Variants in NOS2 observed in about 807,000 individuals in gnomAD.
The protein encoded by NOS2 is nitric oxide synthase, inducible.
A neutral mutation model predicts 136.0 loss-of-function variants in NOS2; 96 were observed. The observed-to-expected ratio is 0.71, with a 90% CI of 0.60 to 0.84. The LOEUF (loss-of-function observed/expected upper bound fraction) is 0.84, where lower values mean the gene tolerates loss of function less well. Among genes scored for constraint, NOS2 ranks in the 40% least tolerant of loss-of-function variants. The pLI is 0.00. For missense variants in NOS2, 1,237 were observed against 1,496.9 expected (o/e 0.83, Z 2.87); for synonymous variants, 539 against 587.5 (o/e 0.92, Z 1.20).
intron 12 of NOS2, 49 bp from the exon 13 acceptor site, chr17:27,773,292 C>T (rs1908557565): frequency 7.1e-7 from 1 of 1,402,272 alleles, no homozygotes; most frequent in East Asian, 2.3e-5. Context: ...CCTGGCTTGG[C>T]TCAGCTCGCG....
Position 27,780,789 on chromosome 17 carries a change from C to G in NOS2, c.982G>C (p.Glu328Gln). The change falls in exon 9 of 27, where the codon GAG becomes CAG. Residue 328 changes from glutamate to glutamine, a missense_variant. By Grantham distance (29) the Glu-to-Gln change is conservative. Transcript: ENST00000313735. The part of the protein sequence containing the change: ...LFEIPPDLVL[E>Q]VAMEHPKYEW... ...TACTTGGGATGTTCCATGGCCACCT[C>G]AAGCACAAGGTCAGGTGGGATTTCG... 6.2e-7 allele frequency: 1 copy of G among 1,614,236 alleles called. No individual in the cohort carries two copies. The highest frequency in any genetic ancestry group is 8.5e-7 in the Non-Finnish European group (1 of 1,180,044).
chr17:27,786,417 A>T (rs1909027271), intron 5 of NOS2, among the ~76,000 whole-genome samples: 1 of 152,090 alleles, frequency 6.6e-6, no homozygotes, highest in Admixed American at 6.5e-5. Context: ...CAAGAGCAAA[A>T]CTCCATCTCA....
In NOS2 at chr17:27,760,069, C is replaced by T; in HGVS notation, c.3120G>A (p.Ala1040=). The change falls in exon 25 of 27, where the codon GCG becomes GCA. Residue 1040 remains alanine (A), a synonymous_variant. Coordinates refer to ENST00000313735, the MANE Select transcript of NOS2 (RefSeq NM_000625.4). ...LEMAQKGVLH[A]VHTAYSRLPG... is the part of the protein sequence containing the mutation. ...GCAGGCGGGAATAGGCTGTGTGCAC[C>T]GCATGCAGCACCCCCTTCTGGGCCA... 2 of 1,594,802 alleles carry T rather than the reference C, an allele frequency of 1.3e-6. No individual in the cohort carries two copies. Among genetic ancestry groups the T allele is most frequent in the Non-Finnish European group, 8.5e-7 (1 of 1,171,660 alleles).
intron 25 of NOS2, 99 bp from the exon 26 acceptor site, chr17:27,759,174 A>T (rs1170162120): frequency 2.5e-6 from 2 of 797,482 alleles, no homozygotes; most frequent in Admixed American, 3.3e-5. Flanking sequence ...AGGGGCACTA[A>T]GGGGTGAGGA....
At chr17:27,787,460 T>C (rs1460708349) in intron 5 of NOS2, among the ~76,000 whole-genome samples, 1 of 152,234 alleles carries the variant, frequency 6.6e-6, no homozygotes, top group Non-Finnish European at 1.5e-5. Flanking sequence ...CACTTTTAAC[T>C]GGTATTGCTA....
At chr17:27,791,272 A>G (rs1909172274) in intron 2 of NOS2, among the ~76,000 whole-genome samples, 1 of 152,236 alleles carries the variant, frequency 6.6e-6, no homozygotes, top group South Asian at 2.1e-4. Flanking sequence ...TGCTTTGCTT[A>G]GCCAAACTTT....
intron 2 of NOS2, among the ~76,000 whole-genome samples, chr17:27,796,768 G>A (rs753072715): frequency 3.9e-5 from 6 of 152,280 alleles, no homozygotes; most frequent in Admixed American, 3.3e-4. Flanking sequence ...AGCTGGCAGC[G>A]GCTGCAATGA....
At chr17:27,766,357 G>A (rs1390654125) in intron 19 of NOS2, among the ~76,000 whole-genome samples, 153 bp downstream of exon 19, 1 of 152,174 alleles carries the variant, frequency 6.6e-6, no homozygotes, top group Non-Finnish European at 1.5e-5. Context: ...GTGGCCGCAG[G>A]TTACCAGGTG....
chr17:27,794,712 G>GCA (rs1471450143), intron 2 of NOS2, among the ~76,000 whole-genome samples: 15 of 123,894 alleles, frequency 1.2e-4, no homozygotes, highest in African/African-American at 4.2e-4. Flanking sequence ...ACACACACAC[G>GCA]CGCACACACA....
chr17:27,781,066 T>A lies in NOS2; in HGVS notation c.834A>T (p.Arg278Ser), dbSNP rs1392676226. ...AGYQMPDGSIRGDPANVEFTQ... is the reference protein window; with the variant it reads ...AGYQMPDGSISGDPANVEFTQ... ...TGAATTCCACGTTGGCAGGGTCCCC[T>A]CTGATGCTGCCATCTGGCATCTGGT... The change falls in exon 8 of 27, where the codon AGA (arginine) becomes AGT (serine). Residue 278 changes from arginine (R) to serine (S), a missense_variant. By Grantham distance (110) the Arg-to-Ser change is moderately radical. This residue lies in a region of NOS2 where 440 missense variants were observed against 545.4 expected (regional missense o/e 0.81). Transcript: ENST00000313735. The A allele has an allele frequency of 6.2e-7, 1 of 1,613,728 alleles. No individual in the cohort carries two copies. The highest frequency in any genetic ancestry group is 8.5e-7 in the Non-Finnish European group (1 of 1,180,012).
Position 27,779,066 on chromosome 17 carries a change from A to G in NOS2, c.1005-10T>C, listed in dbSNP as rs189687047. On this transcript the variant is annotated splice_polypyrimidine_tract_variant and intron_variant, in intron 9 of 26. Transcript: ENST00000313735. Reference sequence around the variant, plus strand: ...CCGAAACCACTCGTATCTGGCAAAAAGGTAGACACAATTTAACTGGGGCCT... The same window carrying G: ...CCGAAACCACTCGTATCTGGCAAAAGGGTAGACACAATTTAACTGGGGCCT... 823 of 1,464,598 alleles carry G rather than the reference A, an allele frequency of 5.6e-4. 2 individuals carry two copies. The African/African-American group carries it at 1.0e-2, about 18-fold the overall frequency. The allele number at this position is 1,464,598 out of a possible 1,614,324, so 90.7% of individuals were successfully genotyped here.
rs1241889633 is a variant in NOS2 at position 27,774,380 on chromosome 17, G to A, written c.1353C>T (p.Tyr451=). The part of the protein sequence containing the change: ...ESFMKYMQNE[Y]RSRGGCPADW... Reference sequence around the variant, plus strand: ...CTGCCGGGCAGCCCCCACGGGACCGGTATTCATTCTGCATGTACTTCATGA... The same window carrying A: ...CTGCCGGGCAGCCCCCACGGGACCGATATTCATTCTGCATGTACTTCATGA... The change falls in exon 12 of 27, where the codon TAC becomes TAT. Residue 451 remains tyrosine (Y), a synonymous_variant. Coordinates refer to ENST00000313735, the MANE Select transcript of NOS2 (RefSeq NM_000625.4). 6.3e-7 allele frequency: 1 copy of A among 1,581,306 alleles called. No homozygotes were observed. Among genetic ancestry groups the A allele is most frequent in the African/African-American group, 1.4e-5 (1 of 73,500 alleles).
At chr17:27,796,847 G>T (rs1909369715) in intron 2 of NOS2, among the ~76,000 whole-genome samples, 1 of 152,128 alleles carries the variant, frequency 6.6e-6, no homozygotes, top group Non-Finnish European at 1.5e-5. Flanking sequence ...ACATCTAGAG[G>T]CCATCAACTC....
intron 9 of NOS2, among the ~76,000 whole-genome samples, chr17:27,779,950 G>A (rs976169607): frequency 1.3e-5 from 2 of 152,114 alleles, no homozygotes; most frequent in African/African-American, 2.4e-5. Flanking sequence ...TAGCTGTTGG[G>A]TATACATTGT....
intron 14 of NOS2, among the ~76,000 whole-genome samples, chr17:27,771,608 C>T (rs34237194): frequency 7.4e-4 from 113 of 152,372 alleles, no homozygotes; most frequent in African/African-American, 2.1e-3. Flanking sequence ...CAGCTCATCC[C>T]ATCGTGGCAT....
intron 2 of NOS2, among the ~76,000 whole-genome samples, chr17:27,791,252 C>G (rs1284712190): frequency 6.6e-6 from 1 of 152,228 alleles, no homozygotes; most frequent in Non-Finnish European, 1.5e-5. Flanking sequence ...CCATTGCCAA[C>G]TGGCAAAGAT....
At chr17:27,787,890 C>T in intron 4 of NOS2, 64 bp from the exon 5 acceptor site, 2 of 1,525,058 alleles carry the variant, frequency 1.3e-6, no homozygotes, top group Non-Finnish European at 8.8e-7. Flanking sequence ...TCCTCTGGGG[C>T]CAGCTCTCCT....
Position 27,773,201 on chromosome 17 carries a change from T to A in NOS2, c.1519A>T (p.Arg507Ter). The A allele has an allele frequency of 6.2e-7, 1 of 1,614,128 alleles. No individual in the cohort carries two copies. The highest frequency in any genetic ancestry group is 8.5e-7 in the Non-Finnish European group (1 of 1,179,980). The part of the protein sequence containing the change: ...KTHVWQDEKR[R>*]PKRREIPLKV... ...AATGGAATCTCTCTTCTCTTGGGTC[T>A]CCGCTTCTCGTCCTGCCAGACATGG... The change falls in exon 13 of 27, where the codon AGA (arginine) becomes TGA (stop). Residue 507 changes from arginine (R) to a stop codon, truncating the protein, a stop_gained. Coordinates refer to ENST00000313735, the MANE Select transcript of NOS2 (RefSeq NM_000625.4). LOFTEE classifies it high-confidence loss of function.
At chr17:27,760,571 G>A (rs1168836298) in intron 24 of NOS2, 52 bp downstream of exon 24, 19 of 1,550,116 alleles carry the variant, frequency 1.2e-5, no homozygotes, top group Middle Eastern at 1.7e-4. Flanking sequence ...CTGCTCCTAG[G>A]CAGGCGCTGG....
Sources: gnomAD v4.1 joint callset for allele counts (sites outside exome capture counted in the v4.1 genomes callset) on GRCh38, gnomAD v4.1.1 for gene constraint, gnomAD v4.1.1 regional missense constraint, MANE v1.5 for transcripts, NCBI Gene and HGNC (gene_info 2026-07-23, HGNC 2026-07-21) for gene names.